Variants in ATG7 observed in about 807,000 individuals in gnomAD.
ATG7 encodes autophagy related 7.
ATG7 carries 70 observed loss-of-function variants against 82.4 expected under a neutral mutation model. The observed-to-expected ratio is 0.85, with a 90% CI of 0.70 to 1.04. The LOEUF is 1.04. Ranked by LOEUF, ATG7 falls within the 50% of genes least tolerant of loss-of-function variation. The probability of loss-of-function intolerance (pLI) is 0.00; values close to 1 mark genes in which losing one functional copy is unlikely to be tolerated. For synonymous variants in ATG7, 287 were observed against 313.0 expected (o/e 0.92, Z 0.88); for missense variants, 792 against 864.3 (o/e 0.92, Z 1.05).
chr3:11,358,397 T>C (rs1162968957), intron 14 of ATG7, 21 bp from the exon 15 acceptor site: 2 of 1,603,244 alleles, frequency 1.2e-6, no homozygotes, highest in Non-Finnish European at 1.7e-6. Flanking sequence ...CAGACATAAC[T>C]ACGTCCTGGT....
In ATG7 at chr3:11,317,083, G is replaced by A. The variant is rs538951880; in HGVS notation, c.678+1590G>A. ...TCTTGATCTCCTGGCCTTGTGATCC[G>A]CCCACCTCGGCCTCCCAAAGTGCTG... is the stretch of plus-strand genomic sequence containing the variant. On this transcript the variant is annotated intron_variant, in intron 9 of 20. Coordinates refer to ENST00000693202, the MANE Select transcript of ATG7 (RefSeq NM_001349232.2). Among the ~76,000 whole-genome samples the A allele has an allele frequency of 4.8e-4, 73 of 152,026 alleles. 2 individuals are homozygous for A. The South Asian group carries it at 0.013, about 27-fold the overall frequency.
At chr3:11,279,626 G>A (rs1029723987) in intron 1 of ATG7, among the ~76,000 whole-genome samples, 1 of 152,174 alleles carries the variant, frequency 6.6e-6, no homozygotes, top group Non-Finnish European at 1.5e-5. Flanking sequence ...AGAGGTTGCA[G>A]TGAAGCCGAA....
Position 11,340,730 on chromosome 3 carries a change from T to TA in ATG7, c.979dup (p.Arg327LysfsTer4). 4 of 1,613,116 alleles carry TA rather than the reference T, an allele frequency of 2.5e-6. No homozygotes were observed. The highest frequency in any genetic ancestry group is 3.4e-6 in the Non-Finnish European group (4 of 1,179,394). ...TGAACCTCAGTGAATGTATGGACCC[T>TA]AAAAGGTATATTTGGGAAGCTGTTT... On this transcript the variant is annotated frameshift_variant, in exon 12 of 21. Coordinates refer to ENST00000693202, the MANE Select transcript of ATG7 (RefSeq NM_001349232.2). LOFTEE classifies it high-confidence loss of function.
At chr3:11,529,263 T>A (rs1250117358) in intron 20 of ATG7, among the ~76,000 whole-genome samples, 2 of 152,160 alleles carry the variant, frequency 1.3e-5, no homozygotes, top group African/African-American at 4.8e-5. Context: ...TATTTAAAGA[T>A]AATATATAGC....
rs2076366689 is a variant in ATG7 at position 11,362,832 on chromosome 3, T to C, written c.1703T>C (p.Leu568Ser). The C allele has an allele frequency of 1.2e-6, 2 of 1,614,052 alleles. No individual in the cohort carries two copies. Among genetic ancestry groups the C allele is most frequent in the Non-Finnish European group, 8.5e-7 (1 of 1,179,950 alleles). Residue 568 changes from leucine to serine, a missense_variant, in exon 17 of 21, where the codon TTG becomes TCG. Coordinates refer to ENST00000693202, the MANE Select transcript of ATG7 (RefSeq NM_001349232.2). ...TTGCAGTCAACCAGAGACCGGACCT[T>C]GGACCAGCAGTGCACTGTGAGTCGT... ...APGDSTRDRT[L>S]DQQCTVSRPG...
At chr3:11,306,041 G>A (rs1261858341) in intron 5 of ATG7, among the ~76,000 whole-genome samples, 2 of 152,174 alleles carry the variant, frequency 1.3e-5, no homozygotes, top group African/African-American at 4.8e-5. Flanking sequence ...TCAGAGAAGA[G>A]ACCAGATTTG....
chr3:11,470,398 CAATAGTAAGGATTTGAGT>C (rs2087359204), intron 20 of ATG7, among the ~76,000 whole-genome samples: 1 of 152,136 alleles, frequency 6.6e-6, no homozygotes, highest in Admixed American at 6.5e-5. Flanking sequence ...AACTGGAAAA[CAATAGTAAGGATTTGAGT>C]ATGGAAACAT....
intron 20 of ATG7, among the ~76,000 whole-genome samples, chr3:11,427,676 A>G (rs897463186): frequency 2.0e-5 from 3 of 152,156 alleles, no homozygotes; most frequent in Admixed American, 6.5e-5. Flanking sequence ...TTAGGTGGGC[A>G]TGGTGGCAGG....
chr3:11,467,082 C>T lies in ATG7; in HGVS notation c.2079+40156C>T, dbSNP rs546156323. ...GAGGTTGCAGTGAGCTGACATCATG[C>T]CATTGCACTTCAGCCTGGGCAACAA... On this transcript the variant is annotated intron_variant, in intron 20 of 20. Coordinates refer to ENST00000693202, the MANE Select transcript of ATG7 (RefSeq NM_001349232.2). 6.6e-5 allele frequency among the ~76,000 whole-genome samples: 10 copies of T among 152,194 alleles called. No homozygotes were observed. The South Asian group carries it at 2.1e-3, about 32-fold the overall frequency.
intron 19 of ATG7, among the ~76,000 whole-genome samples, chr3:11,415,099 T>C (rs2081254650): frequency 6.6e-6 from 1 of 152,266 alleles, no homozygotes; most frequent in Non-Finnish European, 1.5e-5. Context: ...GCTGCAAGCC[T>C]GTACAGTATG....
chr3:11,310,883 C>T (rs951796638), intron 7 of ATG7, among the ~76,000 whole-genome samples: 3 of 152,144 alleles, frequency 2.0e-5, no homozygotes, highest in Admixed American at 6.5e-5. Context: ...CCGCCCGCCT[C>T]GGCCTCCCAA....
At chr3:11,539,933 C>T (rs1395449749) in intron 20 of ATG7, among the ~76,000 whole-genome samples, 2 of 152,184 alleles carry the variant, frequency 1.3e-5, no homozygotes, top group African/African-American at 2.4e-5. Context: ...AGTAGCGTCT[C>T]GCTGTGTGAG....
intron 20 of ATG7, among the ~76,000 whole-genome samples, chr3:11,466,171 C>T (rs1044213847): frequency 2.0e-5 from 3 of 152,216 alleles, no homozygotes; most frequent in African/African-American, 4.8e-5. Context: ...CGAGAAGCTG[C>T]TGCAGACATC....
intron 20 of ATG7, among the ~76,000 whole-genome samples, chr3:11,493,543 G>A (rs2090572662): frequency 6.6e-6 from 1 of 152,166 alleles, no homozygotes; most frequent in Non-Finnish European, 1.5e-5. Flanking sequence ...GGTTTCCACT[G>A]GGGACCTGCC....
At chr3:11,397,507 G>C (rs1337786941) in intron 19 of ATG7, among the ~76,000 whole-genome samples, 4 of 151,986 alleles carry the variant, frequency 2.6e-5, no homozygotes, top group African/African-American at 7.2e-5. Context: ...ACCCAGGCTG[G>C]AGTGCAGTGG....
At chr3:11,398,806 A>G (rs1392584324) in intron 19 of ATG7, among the ~76,000 whole-genome samples, 3 of 152,324 alleles carry the variant, frequency 2.0e-5, no homozygotes, top group African/African-American at 7.2e-5. Context: ...AGCTCTGATC[A>G]TGCCACTGCA....
Position 11,556,206 on chromosome 3 carries a change from GAGA to G in ATG7, c.*1366_*1368del, listed in dbSNP as rs1375062716. ...TATATTACAGATTTACACACATGAA[GAGA>G]AGGTCAGAGCGCACTGCAGGCAGCG... On this transcript the variant is annotated 3_prime_UTR_variant, in exon 21 of 21. Coordinates refer to ENST00000693202, the MANE Select transcript of ATG7 (RefSeq NM_001349232.2). 2.0e-5 allele frequency: 3 copies of G among 152,588 alleles called. No homozygotes were observed. 9.5% of individuals were successfully genotyped at this position (152,588 alleles called of 1,614,324 possible). A position where few individuals can be genotyped will look rare whatever the true frequency, so the allele number is the denominator to read the frequency against.
At chr3:11,376,978 A>G (rs1308928121) in intron 18 of ATG7, among the ~76,000 whole-genome samples, 2 of 152,140 alleles carry the variant, frequency 1.3e-5, no homozygotes, top group African/African-American at 4.8e-5. Flanking sequence ...TGACCTCATC[A>G]TCCGCCCTCC....
At chr3:11,502,457 G>A (rs1401958986) in intron 20 of ATG7, among the ~76,000 whole-genome samples, 3 of 141,346 alleles carry the variant, frequency 2.1e-5, no homozygotes, top group Non-Finnish European at 4.5e-5. Context: ...TCCCACCTAT[G>A]AGTGAGAATA....
Sources: allele counts gnomAD v4.1 joint callset (sites outside exome capture counted in the v4.1 genomes callset), GRCh38; gene constraint gnomAD v4.1.1; transcripts MANE v1.5; gene names NCBI Gene and HGNC (gene_info 2026-07-23, HGNC 2026-07-21).